ACTN2: variants seen among roughly 807,000 people sequenced by gnomAD.
ACTN2 encodes alpha-actinin-2.
ACTN2 carries 39 observed loss-of-function variants against 113.8 expected under a neutral mutation model. That is an observed-to-expected ratio of 0.34 (90% CI 0.27 to 0.45). The LOEUF is 0.45. ACTN2 is among the 20% of genes least tolerant of loss of function. The probability of loss-of-function intolerance (pLI) is 1.00; values close to 1 mark genes in which losing one functional copy is unlikely to be tolerated. For synonymous variants in ACTN2, 429 were observed against 444.1 expected (o/e 0.97, Z 0.43); for missense variants, 992 against 1,177.9 (o/e 0.84, Z 2.31).
Position 236,686,506 on chromosome 1 carries a change from G to T in ACTN2, c.-168G>T. The T allele has an allele frequency of 3.1e-6, 2 of 654,184 alleles. No individual in the cohort carries two copies. The allele number at this position is 654,184 out of a possible 1,614,324, so 40.5% of individuals were successfully genotyped here. ...CGGCAGCTGCTCGCAGCCGGAGCTG[G>T]TGCTTCGCCCGAGACCCAGCGCCCA... On this transcript the variant is annotated 5_prime_UTR_variant, in exon 1 of 21. Transcript: ENST00000366578.
In ACTN2 at chr1:236,686,590, C is replaced by A. The variant is rs1665874209; in HGVS notation, c.-84C>A. 2 of 1,401,606 alleles carry A rather than the reference C, an allele frequency of 1.4e-6. No homozygotes were observed. Among genetic ancestry groups the A allele is most frequent in the Non-Finnish European group, 1.9e-6 (2 of 1,079,874 alleles). 86.8% of individuals were successfully genotyped at this position (1,401,606 alleles called of 1,614,324 possible). On this transcript the variant is annotated 5_prime_UTR_variant, in exon 1 of 21. Transcript: ENST00000366578. ...CACCCCGCGCCCGCCGCCCGCCGCC[C>A]GCCGCCTCCGTGGGTCCGTTTGCCA...
intron 1 of ACTN2, among the ~76,000 whole-genome samples, chr1:236,704,520 GACCA>G (rs1657768145): frequency 6.6e-6 from 1 of 152,116 alleles, no homozygotes. Flanking sequence ...CAGAACTAAT[GACCA>G]ACCAACTTAA....
At chr1:236,741,569 C>T (rs1558242493) in intron 10 of ACTN2, among the ~76,000 whole-genome samples, 2 of 152,328 alleles carry the variant, frequency 1.3e-5, no homozygotes, top group East Asian at 1.9e-4. Context: ...TGATTCTTCC[C>T]TTTCTGTCAC....
At chr1:236,746,165 C>CAAAAAAAAAAAAAAAAAAAA (rs55953102) in intron 12 of ACTN2, among the ~76,000 whole-genome samples, 1 of 80,410 alleles carries the variant, frequency 1.2e-5, no homozygotes, top group African/African-American at 4.5e-5. Context: ...GACTCCATCT[C>CAAAAAAAAAAAAAAAAAAAA]AAAAAAAAAA....
chr1:236,705,997 A>G (rs1657813227), intron 1 of ACTN2, among the ~76,000 whole-genome samples: 1 of 152,200 alleles, frequency 6.6e-6, no homozygotes, highest in Non-Finnish European at 1.5e-5. Flanking sequence ...CAATCTTTTC[A>G]AGTGCTGGGA....
Position 236,711,906 on chromosome 1 carries a change from A to G in ACTN2, c.127-5952A>G, listed in dbSNP as rs545719389. On this transcript the variant is annotated intron_variant, in intron 1 of 20. Transcript: ENST00000366578. Reference sequence around the variant, plus strand: ...GTCAGGGCAGCTTCTGGATTGAGCTATAAGTTGAGGAGACATTGGCCTCTT... The same window carrying G: ...GTCAGGGCAGCTTCTGGATTGAGCTGTAAGTTGAGGAGACATTGGCCTCTT... Among the ~76,000 whole-genome samples the G allele has an allele frequency of 7.2e-5, 11 of 152,322 alleles. No individual in the cohort carries two copies. The East Asian group carries it at 1.7e-3, about 24-fold the overall frequency.
At chr1:236,727,631 T>C (rs1265886264) in intron 5 of ACTN2, 47 bp from the exon 6 acceptor site, 1 of 1,601,876 alleles carries the variant, frequency 6.2e-7, no homozygotes. Context: ...TGGCTGCTTC[T>C]TTCTCTCCAC....
chr1:236,737,298 C>CATATAT (rs67318171), intron 9 of ACTN2, 84 bp downstream of exon 9: 39 of 344,244 alleles, frequency 1.1e-4, no homozygotes, highest in Middle Eastern at 8.3e-4. Flanking sequence ...TCCGTGGGGG[C>CATATAT]ATATATATAT....
Position 236,737,315 on chromosome 1 carries a change from A to ATATATATATATATATATATG in ACTN2, c.876+104_876+105insATATATATATATATATGTAT, listed in dbSNP as rs1428788821. The ATATATATATATATATATATG allele has an allele frequency of 1.3e-4, 38 of 295,062 alleles. 1 individual carries two copies. The highest frequency in any genetic ancestry group is 8.2e-4 in the African/African-American group (36 of 43,672). The allele number at this position is 295,062 out of a possible 1,614,324, so 18.3% of individuals were successfully genotyped here. A position where few individuals can be genotyped will look rare whatever the true frequency, so the allele number is the denominator to read the frequency against. ...CGTGGGGGCATATATATATATATAT[A>ATATATATATATATATATATG]TATTTTGCATTTTTCATCTCAGATA... On this transcript the variant is annotated intron_variant, in intron 9 of 20. Transcript: ENST00000366578.
At chr1:236,709,328 A>ACGTATATATATACG (rs1491444244) in intron 1 of ACTN2, among the ~76,000 whole-genome samples, 2 of 137,002 alleles carry the variant, frequency 1.5e-5, no homozygotes, top group Non-Finnish European at 3.1e-5. Context: ...ATATATATAC[A>ACGTATATATATACG]TGTATATATA....
intron 7 of ACTN2, among the ~76,000 whole-genome samples, chr1:236,733,605 G>C (rs971443301): frequency 1.3e-5 from 2 of 152,194 alleles, no homozygotes; most frequent in Admixed American, 6.5e-5. Context: ...AAACAGTTCT[G>C]AACTTGGCCA....
chr1:236,751,908 T>A (rs150715956), intron 15 of ACTN2, among the ~76,000 whole-genome samples: 1 of 152,184 alleles, frequency 6.6e-6, no homozygotes, highest in Non-Finnish European at 1.5e-5. Context: ...ACAACCACTG[T>A]AGGTTATGAT....
At position 236,761,259 on chromosome 1, in the gene ACTN2, C is replaced by T. The variant is rs1415874429; in HGVS notation, c.2526+86C>T. On this transcript the variant is annotated intron_variant, in intron 20 of 20. Coordinates refer to ENST00000366578, the MANE Select transcript of ACTN2 (RefSeq NM_001103.4). ...AAGGCAACAGTGTTGTAAATAAAAA[C>T]CATTTTTATGCCGGTGTATTTTGTA... 4.7e-6 allele frequency: 7 copies of T among 1,493,350 alleles called. No homozygotes were observed. The Admixed American group carries it at 1.2e-4, about 26-fold the overall frequency. The allele number at this position is 1,493,350 out of a possible 1,614,324, so 92.5% of individuals were successfully genotyped here.
In ACTN2 at chr1:236,725,943, C is replaced by A; in HGVS notation, c.459C>A (p.Ala153=). The part of the protein sequence containing the change: ...IQDISVEETS[A]KEGLLLWCQR... ...TGGCTGTCATTACAGAAACATCTGC[C>A]AAAGAAGGTCTGCTGCTTTGGTGTC... is the stretch of plus-strand genomic sequence containing the variant. Residue 153 remains alanine (A), a synonymous_variant, in exon 5 of 21, where the codon GCC becomes GCA. Coordinates refer to ENST00000366578, the MANE Select transcript of ACTN2 (RefSeq NM_001103.4). 2 of 1,614,140 alleles carry A rather than the reference C, an allele frequency of 1.2e-6. No individual in the cohort carries two copies. The highest frequency in any genetic ancestry group is 1.7e-6 in the Non-Finnish European group (2 of 1,179,990).
chr1:236,743,376 T>C (rs1229405804), intron 11 of ACTN2, among the ~76,000 whole-genome samples: 1 of 152,222 alleles, frequency 6.6e-6, no homozygotes, highest in African/African-American at 2.4e-5. Flanking sequence ...CAGATAGCCC[T>C]GGGCCAACCA....
chr1:236,743,113 T>C (rs1345401128), intron 11 of ACTN2, 70 bp downstream of exon 11: 5 of 1,564,798 alleles, frequency 3.2e-6, no homozygotes, highest in Non-Finnish European at 4.4e-6. Flanking sequence ...CCATGATGCA[T>C]CCTTACTAAC....
At chr1:236,699,663 C>T (rs1340817867) in intron 1 of ACTN2, among the ~76,000 whole-genome samples, 1 of 152,174 alleles carries the variant, frequency 6.6e-6, no homozygotes, top group African/African-American at 2.4e-5. Flanking sequence ...AATGCCCTCT[C>T]AGATCAGAGC....
chr1:236,701,912 C>T (rs1351096376), intron 1 of ACTN2, among the ~76,000 whole-genome samples: 1 of 152,100 alleles, frequency 6.6e-6, no homozygotes, highest in East Asian at 1.9e-4. Flanking sequence ...GGGCTGTCAC[C>T]ATGGAGGCCT....
chr1:236,753,851 TC>T, intron 15 of ACTN2, 95 bp from the exon 16 acceptor site: 1 of 966,968 alleles, frequency 1.0e-6, no homozygotes, highest in Non-Finnish European at 1.5e-6. Context: ...CCTTCTCCAC[TC>T]CCACCCCCAC....
Sources: gnomAD v4.1 joint callset for allele counts (sites outside exome capture counted in the v4.1 genomes callset) on GRCh38, gnomAD v4.1.1 for gene constraint, MANE v1.5 for transcripts, NCBI Gene and HGNC (gene_info 2026-07-23, HGNC 2026-07-21) for gene names.